Variants in GSG1L observed in about 807,000 individuals in gnomAD.
The protein encoded by GSG1L is GSG1 like, also known as germ cell-specific gene 1-like protein.
Under a neutral mutation model 42.1 loss-of-function variants are expected in GSG1L, and 24 were observed. That is an observed-to-expected ratio of 0.57 (90% CI 0.41 to 0.80). The LOEUF is 0.80. GSG1L is among the 30% of genes least tolerant of loss of function. The probability of loss-of-function intolerance (pLI) is 0.00; values close to 1 mark genes in which losing one functional copy is unlikely to be tolerated. For missense variants in GSG1L, 445 were observed against 472.2 expected (o/e 0.94, Z 0.53); for synonymous variants, 215 against 203.5 (o/e 1.06, Z -0.48).
At chr16:27,836,698 T>G (rs773352850) in intron 4 of GSG1L, among the ~76,000 whole-genome samples, 6 of 152,206 alleles carry the variant, frequency 3.9e-5, no homozygotes, top group Non-Finnish European at 5.9e-5. Flanking sequence ...AAAATTGCCA[T>G]TTGGTCCTTC....
intron 1 of GSG1L, among the ~76,000 whole-genome samples, chr16:28,049,563 T>G (rs2086200433): frequency 6.6e-6 from 1 of 151,544 alleles, no homozygotes; most frequent in Non-Finnish European, 1.5e-5. Context: ...GACACATGCC[T>G]GTAGTCCCAG....
chr16:27,902,153 G>C (rs2084266050), intron 2 of GSG1L, among the ~76,000 whole-genome samples: 1 of 152,174 alleles, frequency 6.6e-6, no homozygotes, highest in African/African-American at 2.4e-5. Context: ...ACCCGCTCCG[G>C]GAACCACATC....
rs1020865063 is a variant in GSG1L, at chr16:27,790,359, T to G, written c.*1011A>C. On this transcript the variant is annotated 3_prime_UTR_variant, in exon 7 of 7. Transcript: ENST00000447459. ...GGAAGGAATAAGGCCTCTTGGGAAA[T>G]GACTGAACTTGGAGTCAGGAGTCCT... The G allele has an allele frequency of 2.6e-5, 4 of 152,158 alleles. No individual in the cohort carries two copies. The highest frequency in any genetic ancestry group is 9.7e-5 in the African/African-American group (4 of 41,436). 9.4% of individuals were successfully genotyped at this position (152,158 alleles called of 1,614,324 possible).
At chr16:27,988,374 GTTAT>G (rs1383871389) in intron 1 of GSG1L, among the ~76,000 whole-genome samples, 7 of 151,324 alleles carry the variant, frequency 4.6e-5, no homozygotes, top group Non-Finnish European at 2.9e-5. Flanking sequence ...GTTAAGAAAT[GTTAT>G]TAAAAAGACA....
intron 2 of GSG1L, among the ~76,000 whole-genome samples, chr16:27,919,343 T>G (rs2084498146): frequency 6.6e-6 from 1 of 152,100 alleles, no homozygotes; most frequent in Non-Finnish European, 1.5e-5. Flanking sequence ...CATGATCTGG[T>G]CCCTACCTTC....
At chr16:27,799,610 C>A (rs1184175855) in intron 6 of GSG1L, among the ~76,000 whole-genome samples, 1 of 151,906 alleles carries the variant, frequency 6.6e-6, no homozygotes, top group Admixed American at 6.6e-5. Context: ...CAGAGAGGAA[C>A]AAGTGATGGA....
chr16:27,990,274 A>G (rs1363822599), intron 1 of GSG1L, among the ~76,000 whole-genome samples: 1 of 152,182 alleles, frequency 6.6e-6, no homozygotes, highest in Non-Finnish European at 1.5e-5. Context: ...GGCAAAGTAT[A>G]CACTTGTGAG....
At chr16:27,918,125 C>T (rs1207209944) in intron 2 of GSG1L, among the ~76,000 whole-genome samples, 1 of 152,188 alleles carries the variant, frequency 6.6e-6, no homozygotes, top group African/African-American at 2.4e-5. Flanking sequence ...TTGCAGCAGA[C>T]ATTTCATTGT....
chr16:28,046,119 T>C (rs896612055), intron 1 of GSG1L, among the ~76,000 whole-genome samples: 4 of 152,174 alleles, frequency 2.6e-5, no homozygotes, highest in African/African-American at 9.7e-5. Flanking sequence ...TTAATAATGT[T>C]GTCCATAAAG....
At chr16:27,904,500 C>T (rs968573408) in intron 2 of GSG1L, among the ~76,000 whole-genome samples, 1 of 152,132 alleles carries the variant, frequency 6.6e-6, no homozygotes, top group African/African-American at 2.4e-5. Flanking sequence ...CATGTATGAC[C>T]ATTCAGCAGC....
intron 3 of GSG1L, among the ~76,000 whole-genome samples, chr16:27,878,883 G>C (rs1319777263): frequency 6.6e-6 from 1 of 152,232 alleles, no homozygotes; most frequent in African/African-American, 2.4e-5. Context: ...TCACAGCCAA[G>C]GAGCAGGGTG....
intron 6 of GSG1L, among the ~76,000 whole-genome samples, 172 bp from the exon 7 acceptor site, chr16:27,791,639 C>A (rs768272787): frequency 6.6e-6 from 1 of 151,898 alleles, no homozygotes; most frequent in Non-Finnish European, 1.5e-5. Flanking sequence ...CTCCACCCAT[C>A]CCTCCCCTGT....
intron 2 of GSG1L, among the ~76,000 whole-genome samples, chr16:27,934,924 A>G (rs757605136): frequency 9.9e-5 from 15 of 152,182 alleles, no homozygotes; most frequent in Non-Finnish European, 2.1e-4. Flanking sequence ...GCCAAGCACC[A>G]TGTGGGGATT....
chr16:27,902,734 T>C (rs1447821074), intron 2 of GSG1L, among the ~76,000 whole-genome samples: 2 of 151,996 alleles, frequency 1.3e-5, no homozygotes, highest in East Asian at 3.9e-4. Flanking sequence ...GCCTTGGGCG[T>C]TATTTAAATC....
intron 4 of GSG1L, among the ~76,000 whole-genome samples, chr16:27,829,332 C>G (rs1412729216): frequency 6.6e-6 from 1 of 152,014 alleles, no homozygotes; most frequent in Non-Finnish European, 1.5e-5. Context: ...ATAGTGTGTA[C>G]AAAGGCATGG....
intron 4 of GSG1L, 52 bp downstream of exon 4, chr16:27,844,898 G>A (rs1416245535): frequency 1.8e-5 from 12 of 682,188 alleles, no homozygotes; most frequent in East Asian, 4.5e-5. Flanking sequence ...AAGTCCCAGC[G>A]TGCCTTGGGC....
chr16:27,955,926 AAAGAAGGAAGGAAGGAAGGG>A (rs2084998562), intron 2 of GSG1L, among the ~76,000 whole-genome samples: 2 of 138,294 alleles, frequency 1.4e-5, no homozygotes, highest in African/African-American at 6.8e-5. Flanking sequence ...GGAAGGAAGG[AAAGAAGGAAGGAAGGAAGGG>A]AGGAAGGAAG....
intron 1 of GSG1L, chr16:27,998,347 G>A (rs1432176015): frequency 6.6e-6 from 1 of 152,240 alleles, no homozygotes; most frequent in Non-Finnish European, 1.5e-5. Context: ...CAGAGGCCGT[G>A]CTAATCTTCT....
intron 1 of GSG1L, among the ~76,000 whole-genome samples, chr16:28,013,711 C>A (rs140765826): frequency 4.2e-3 from 640 of 152,312 alleles, no homozygotes; most frequent in Non-Finnish European, 7.0e-3. Flanking sequence ...CCAAGCGCCA[C>A]GTTAAGGCAT....
Sources: gnomAD v4.1 joint callset for allele counts (sites outside exome capture counted in the v4.1 genomes callset) on GRCh38, gnomAD v4.1.1 for gene constraint, MANE v1.5 for transcripts, NCBI Gene and HGNC (gene_info 2026-07-23, HGNC 2026-07-21) for gene names.